The following RASSF6 variants were observed in gnomAD, a reference collection of about 807,000 sequenced individuals.
RASSF6 encodes ras association domain-containing protein 6.
In RASSF6, 52 loss-of-function variants were observed where a neutral mutation model predicts 44.0. The ratio of observed to expected loss-of-function variants is 1.18; its 90% CI spans 0.95 to 1.49. The LOEUF is 1.49. Ranked by LOEUF, RASSF6 falls within the 40% of genes most tolerant of loss-of-function variation. The pLI, the probability that RASSF6 is intolerant of heterozygous loss-of-function variation, is 0.00. For synonymous variants in RASSF6, 162 were observed against 124.6 expected (o/e 1.30, Z -2.00); for missense variants, 464 against 393.3 (o/e 1.18, Z -1.52).
intron 4 of RASSF6, among the ~76,000 whole-genome samples, chr4:73,591,230 TA>T (rs1188331214): frequency 6.6e-6 from 1 of 152,182 alleles, no homozygotes; most frequent in Non-Finnish European, 1.5e-5. Context: ...TACATATGCA[TA>T]AAAACATGTA....
chr4:73,600,367 C>A (rs1695699684), intron 2 of RASSF6, among the ~76,000 whole-genome samples: 1 of 151,416 alleles, frequency 6.6e-6, no homozygotes, highest in Non-Finnish European at 1.5e-5. Flanking sequence ...GAAAAGCTTT[C>A]TCATATAAGC....
At chr4:73,580,235 G>C (rs963219220) in intron 8 of RASSF6, among the ~76,000 whole-genome samples, 4 of 151,394 alleles carry the variant, frequency 2.6e-5, no homozygotes, top group Non-Finnish European at 5.9e-5. Flanking sequence ...GTATTCCATG[G>C]TGTATATGTG....
chr4:73,576,530 A>C (rs183675803), intron 9 of RASSF6, 23 bp from the exon 10 acceptor site: 2 of 1,557,136 alleles, frequency 1.3e-6, no homozygotes, highest in Non-Finnish European at 1.7e-6. Flanking sequence ...AAGAAGAAAA[A>C]AAAAAGAAAG....
intron 1 of RASSF6, among the ~76,000 whole-genome samples, chr4:73,619,152 C>G (rs1726548496): frequency 6.6e-6 from 1 of 152,200 alleles, no homozygotes. Flanking sequence ...CTTTATAAAA[C>G]CCAAATGGCA....
chr4:73,620,601 A>C, upstream of RASSF6: 1 of 876,776 alleles, frequency 1.1e-6, no homozygotes, highest in Non-Finnish European at 1.7e-6. Flanking sequence ...GGGAAGTGTC[A>C]AGAAACCTGA....
chr4:73,610,494 C>G (rs944189707), intron 2 of RASSF6, among the ~76,000 whole-genome samples: 7 of 152,170 alleles, frequency 4.6e-5, no homozygotes, highest in African/African-American at 1.7e-4. Context: ...CTATCAAACC[C>G]TACATGTTCT....
At chr4:73,605,258 CA>C (rs943766181) in intron 2 of RASSF6, among the ~76,000 whole-genome samples, 2 of 152,108 alleles carry the variant, frequency 1.3e-5, no homozygotes, top group African/African-American at 4.8e-5. Context: ...ATGTAATATA[CA>C]CTCTTGTATG....
chr4:73,616,250 T>TATCA (rs1043675613), intron 1 of RASSF6, among the ~76,000 whole-genome samples: 5 of 152,118 alleles, frequency 3.3e-5, no homozygotes, highest in African/African-American at 1.2e-4. Context: ...TCTATCTATC[T>TATCA]ATCTATCTAT....
intron 1 of RASSF6, among the ~76,000 whole-genome samples, chr4:73,619,633 T>C (rs1371114948): frequency 6.6e-6 from 1 of 152,194 alleles, no homozygotes; most frequent in African/African-American, 2.4e-5. Flanking sequence ...GGGCTTAGGT[T>C]AAGAAACTTG....
intron 4 of RASSF6, among the ~76,000 whole-genome samples, chr4:73,592,458 G>T (rs1724625258): frequency 6.6e-6 from 1 of 152,096 alleles, no homozygotes; most frequent in Non-Finnish European, 1.5e-5. Context: ...GAGAGGTAAG[G>T]ACTAAAAAGG....
chr4:73,588,136 C>G (rs572410039), intron 4 of RASSF6, among the ~76,000 whole-genome samples: 5 of 152,034 alleles, frequency 3.3e-5, no homozygotes, highest in Non-Finnish European at 7.4e-5. Flanking sequence ...GCTTCCTGTA[C>G]TTTTATAGAG....
chr4:73,582,072 C>G (rs1723697288), intron 7 of RASSF6, 117 bp downstream of exon 7: 1 of 659,460 alleles, frequency 1.5e-6, no homozygotes. Flanking sequence ...TCTTTCAGTG[C>G]TCAACATCCA....
intron 2 of RASSF6, among the ~76,000 whole-genome samples, chr4:73,611,218 T>TA (rs1332806745): frequency 1.3e-5 from 2 of 152,206 alleles, no homozygotes; most frequent in Non-Finnish European, 1.5e-5. Flanking sequence ...TCTCTACTCT[T>TA]ATAGCTTTTA....
intron 2 of RASSF6, among the ~76,000 whole-genome samples, chr4:73,609,898 G>A (rs982937941): frequency 3.9e-5 from 6 of 152,100 alleles, no homozygotes; most frequent in Admixed American, 2.0e-4. Context: ...CCTTTCCTAT[G>A]GTGAGAATTT....
At position 73,576,109 on chromosome 4, in the gene RASSF6, CA is replaced by C. The variant is rs1723187709; in HGVS notation, c.*125del. On this transcript the variant is annotated 3_prime_UTR_variant, in exon 11 of 11. Coordinates refer to ENST00000307439, the MANE Select transcript of RASSF6 (RefSeq NM_177532.5). ...TCAAAAAGAAATGAGCTTTTTTTGA[CA>C]TTCAATTTTCTACGATTCAAGTCTC... 3.6e-6 allele frequency: 2 copies of C among 548,782 alleles called. No homozygotes were observed. The highest frequency in any genetic ancestry group is 6.1e-5 in the East Asian group (2 of 32,884). 34.0% of individuals were successfully genotyped at this position (548,782 alleles called of 1,614,324 possible).
At chr4:73,603,955 C>A (rs541514127) in intron 2 of RASSF6, 26 of 152,164 alleles carry the variant, frequency 1.7e-4, no homozygotes, top group Admixed American at 3.3e-4. Flanking sequence ...CAAAGTGATT[C>A]TTACAGTTTG....
At chr4:73,607,175 T>C (rs1725701222) in intron 2 of RASSF6, among the ~76,000 whole-genome samples, 1 of 152,242 alleles carries the variant, frequency 6.6e-6, no homozygotes, top group Admixed American at 6.5e-5. Context: ...TATCTAATCA[T>C]ATCATCTGCT....
intron 2 of RASSF6, among the ~76,000 whole-genome samples, chr4:73,600,087 A>G (rs1725182705): frequency 6.6e-6 from 1 of 152,104 alleles, no homozygotes; most frequent in Non-Finnish European, 1.5e-5. Context: ...CTTCCTGATC[A>G]CCCAATCTAA....
At chr4:73,601,362 CAGAAATCATATGACCTACAGAGCCTGAAA>C (rs1439860370) in intron 2 of RASSF6, among the ~76,000 whole-genome samples, 1 of 152,214 alleles carries the variant, frequency 6.6e-6, no homozygotes, top group African/African-American at 2.4e-5. Flanking sequence ...GTAGTTGTAA[CAGAAATCATATGACCTACAGAGCCTGAAA>C]TATTTCTAAT....
Sources: allele counts gnomAD v4.1 joint callset (sites outside exome capture counted in the v4.1 genomes callset), GRCh38; gene constraint gnomAD v4.1.1; transcripts MANE v1.5; gene names NCBI Gene and HGNC (gene_info 2026-07-23, HGNC 2026-07-21).